The following ENG variants were observed in gnomAD, a reference collection of about 807,000 sequenced individuals.
ENG encodes the protein endoglin, also known as CD105 antigen.
A neutral mutation model predicts 71.0 loss-of-function variants in ENG; 17 were observed. The ratio of observed to expected loss-of-function variants is 0.24; its 90% CI spans 0.16 to 0.36. The LOEUF is 0.36. Ranked by LOEUF, ENG falls within the 10% of genes least tolerant of loss-of-function variation. ENG has a pLI of 1.00. For synonymous variants in ENG, 360 were observed against 366.9 expected (o/e 0.98, Z 0.21); for missense variants, 749 against 868.3 (o/e 0.86, Z 1.73).
rs560794600 is a variant in ENG, at chr9:127,824,201, G to A, written c.1134+103C>T. On this transcript the variant is annotated intron_variant, in intron 8 of 14. Transcript: ENST00000373203. ...GGAAAACTAAGGCTTGCAGAGGGACGTGACTTGCCCCCCTGCCTGGGCTAG... is the reference window on the plus strand; with the variant it reads ...GGAAAACTAAGGCTTGCAGAGGGACATGACTTGCCCCCCTGCCTGGGCTAG... 196 of 1,540,898 alleles carry A rather than the reference G, an allele frequency of 1.3e-4. No homozygotes were observed. In the African/African-American group the frequency reaches 2.3e-3, roughly 18 times the overall value.
chr9:127,817,677 G>A (rs1367649466), intron 12 of ENG: 1 of 350,600 alleles, frequency 2.9e-6, no homozygotes, highest in Non-Finnish European at 5.5e-6. Context: ...TGAGAGTGGG[G>A]GTCACCAGAT....
Position 127,838,275 on chromosome 9 carries a change from G to T in ENG, c.219+4819C>A, listed in dbSNP as rs987958170. Among the ~76,000 whole-genome samples the T allele has an allele frequency of 1.3e-5, 2 of 152,182 alleles. No individual in the cohort carries two copies. Among genetic ancestry groups the T allele is most frequent in the African/African-American group, 4.8e-5 (2 of 41,438 alleles). ...CCAGAGCATCATCTAGAAGGGAGGG[G>T]TGCAGGTTTCAGGGGGGTACATCCC... is the stretch of plus-strand genomic sequence containing the variant. On this transcript the variant is annotated intron_variant, in intron 2 of 14. Transcript: ENST00000373203. This position sits in a 1 kb window ranked among gnomAD's most constrained non-coding sequence, Gnocchi z 4.3.
At chr9:127,840,923 C>T (rs1214710845) in intron 2 of ENG, among the ~76,000 whole-genome samples, 1 of 152,186 alleles carries the variant, frequency 6.6e-6, no homozygotes, top group Non-Finnish European at 1.5e-5. Flanking sequence ...CCTGCCATGC[C>T]CCTAAAATCC....
chr9:127,835,130 C>G (rs1164926613), intron 2 of ENG, among the ~76,000 whole-genome samples: 10 of 152,106 alleles, frequency 6.6e-5, no homozygotes, highest in Non-Finnish European at 1.3e-4. Context: ...TCCCAAGTAG[C>G]TGGGACTACA....
At chr9:127,837,632 C>T (rs553100883) in intron 2 of ENG, among the ~76,000 whole-genome samples, 3 of 152,350 alleles carry the variant, frequency 2.0e-5, no homozygotes, top group African/African-American at 7.2e-5. Flanking sequence ...AACGACCAGA[C>T]ATAAACAGCA....
At position 127,826,742 on chromosome 9, in the gene ENG, C is replaced by T. The variant is rs575524999; in HGVS notation, c.361-70G>A. 4.6e-5 allele frequency: 73 copies of T among 1,586,810 alleles called. No individual in the cohort carries two copies. In the East Asian group the frequency reaches 1.6e-3, roughly 36 times the overall value. On this transcript the variant is annotated intron_variant, in intron 3 of 14. Transcript: ENST00000373203. ...GCCCTCTCTATCCCATGTAGGAGGT[C>T]AGGAAGTAATTTGTGGAGTCAGCCC...
At position 127,854,578 on chromosome 9, in the gene ENG, C is replaced by T. The variant is rs1031957479; in HGVS notation, c.-223G>A. ...CTGGAGTTGCTGTCCGAAGGATGGG[C>T]GGGGAGGGGGTGCTGGGCTCCAATG... On this transcript the variant is annotated 5_prime_UTR_variant, in exon 1 of 15. Coordinates refer to ENST00000373203, the MANE Select transcript of ENG (RefSeq NM_001114753.3). 3.2e-5 allele frequency: 18 copies of T among 564,648 alleles called. No individual in the cohort carries two copies. The Middle Eastern group carries it at 1.4e-3, about 44-fold the overall frequency. 35.0% of individuals were successfully genotyped at this position (564,648 alleles called of 1,614,324 possible). A position where few individuals can be genotyped will look rare whatever the true frequency, so the allele number is the denominator to read the frequency against.
intron 2 of ENG, among the ~76,000 whole-genome samples, chr9:127,842,328 G>T (rs1019328645): frequency 3.3e-5 from 5 of 151,666 alleles, no homozygotes; most frequent in African/African-American, 1.2e-4. Context: ...CTGGGTTCAA[G>T]CGATTCTCCT....
intron 1 of ENG, among the ~76,000 whole-genome samples, chr9:127,844,501 G>GCAGACT (rs1831124916): frequency 6.6e-6 from 1 of 151,150 alleles, no homozygotes; most frequent in Non-Finnish European, 1.5e-5. Context: ...ATAGCTCACT[G>GCAGACT]CAGCCTCAGC....
rs558142576 is a variant in ENG, at chr9:127,852,685, A to C, written c.67+1604T>G. Among the ~76,000 whole-genome samples, 3 of 152,210 alleles carry C rather than the reference A, an allele frequency of 2.0e-5. No individual in the cohort carries two copies. In the East Asian group the frequency reaches 5.8e-4, roughly 29 times the overall value. On this transcript the variant is annotated intron_variant, in intron 1 of 14. Coordinates refer to ENST00000373203, the MANE Select transcript of ENG (RefSeq NM_001114753.3). ...CTCTCGGTGTGATCTGCGCCTGCAG[A>C]GACTCTGGAGAACCAACCGCCAGGT...
chr9:127,820,828 CA>C (rs1162043418), intron 8 of ENG, among the ~76,000 whole-genome samples: 3,723 of 142,256 alleles, frequency 0.026, 135 homozygotes, highest in African/African-American at 0.083. Context: ...GACTCCGTCT[CA>C]AAAAAAAAAA....
rs1564455153 is a variant in ENG at position 127,824,294 on chromosome 9, GT to G, written c.1134+9del. On this transcript the variant is annotated intron_variant, in intron 8 of 14. Coordinates refer to ENST00000373203, the MANE Select transcript of ENG (RefSeq NM_001114753.3). ...GTCATCCTGAGCCAGAGGGGCAGGAGTTCCCTTACCGCAACAAGCTCTTTCT... is the reference window on the plus strand; with the variant it reads ...GTCATCCTGAGCCAGAGGGGCAGGAGTCCCTTACCGCAACAAGCTCTTTCT... The G allele has an allele frequency of 1.2e-6, 2 of 1,614,104 alleles. No homozygotes were observed. The highest frequency in any genetic ancestry group is 3.3e-5 in the Admixed American group (2 of 60,010).
At chr9:127,816,274 C>G (rs1830312640) in intron 13 of ENG, 3 of 632,938 alleles carry the variant, frequency 4.7e-6, no homozygotes, top group Non-Finnish European at 8.4e-6. Context: ...CCAGCCAGGC[C>G]TTTTGGGTCA....
Position 127,846,279 on chromosome 9 carries a change from C to T in ENG, c.68-3034G>A, listed in dbSNP as rs1831167007. On this transcript the variant is annotated intron_variant, in intron 1 of 14. Transcript: ENST00000373203. This position sits in a 1 kb window ranked among gnomAD's most constrained non-coding sequence, Gnocchi z 5.5. ...TCATCGGTGAGCGCAGGTTCCTTGG[C>T]TGTTACCTAGCTTAAGCCCCTCCTA... 6.6e-6 allele frequency among the ~76,000 whole-genome samples: 1 copy of T among 152,202 alleles called. No individual in the cohort carries two copies. The highest frequency in any genetic ancestry group is 1.5e-5 in the Non-Finnish European group (1 of 68,034).
rs751778614 is a variant in ENG, at chr9:127,825,770, C to T, written c.614G>A (p.Arg205Gln). The change falls in exon 5 of 15, where the codon CGG becomes CAG. Residue 205 changes from arginine (R) to glutamine (Q), a missense_variant. Arg to Gln is a conservative substitution (Grantham distance 43). Coordinates refer to ENST00000373203, the MANE Select transcript of ENG (RefSeq NM_001114753.3). ...GGCCACGCCTTCCAAGTGGCAGCCC[C>T]GGACCAAGGCTGGAGTACGCGGCCG... ...EWRPRTPALV[R>Q]GCHLEGVAGH... 2.1e-5 allele frequency: 34 copies of T among 1,598,218 alleles called. No individual in the cohort carries two copies. The highest frequency in any genetic ancestry group is 1.4e-4 in the South Asian group (12 of 88,792).
chr9:127,825,350 T>C lies in ENG; in HGVS notation c.697A>G (p.Thr233Ala). 2 of 1,607,262 alleles carry C rather than the reference T, an allele frequency of 1.2e-6. No homozygotes were observed. Among genetic ancestry groups the C allele is most frequent in the Non-Finnish European group, 1.7e-6 (2 of 1,179,048 alleles). The change falls in exon 6 of 15, where the codon ACG becomes GCG. Residue 233 changes from threonine to alanine, a missense_variant. Thr to Ala is a moderately conservative substitution (Grantham distance 58, BLOSUM62 0). Transcript: ENST00000373203. ...VLPGHSAGPR[T>A]VTVKVELSCA... ...CTCAGTTCCACCTTCACCGTCACCG[T>C]CCGGGGCCTGCGGGGAGACAGACGC...
chr9:127,826,600 G>C lies in ENG; in HGVS notation c.433C>G (p.Gln145Glu). ...CTCTCAGCTGCCCACTCAAGGATCTGGGTCTTGGGGAAGGATGGCAGCTCT... is the reference window on the plus strand; with the variant it reads ...CTCTCAGCTGCCCACTCAAGGATCTCGGTCTTGGGGAAGGATGGCAGCTCT... ...TTELPSFPKT[Q>E]ILEWAAERGP... Residue 145 changes from glutamine to glutamate, a missense_variant, in exon 4 of 15, where the codon CAG becomes GAG. Gln to Glu is a conservative substitution (Grantham distance 29, BLOSUM62 2). Coordinates refer to ENST00000373203, the MANE Select transcript of ENG (RefSeq NM_001114753.3). 6.2e-7 allele frequency: 1 copy of C among 1,614,112 alleles called. No individual in the cohort carries two copies. The highest frequency in any genetic ancestry group is 1.1e-5 in the South Asian group (1 of 91,084).
chr9:127,822,929 CTA>C, intron 8 of ENG, among the ~76,000 whole-genome samples: 1 of 152,236 alleles, frequency 6.6e-6, no homozygotes, highest in East Asian at 1.9e-4. Flanking sequence ...CAATCTCCCT[CTA>C]CCGGGTTCAA....
intron 1 of ENG, among the ~76,000 whole-genome samples, chr9:127,853,249 C>A (rs909697453): frequency 1.2e-4 from 19 of 152,070 alleles, no homozygotes; most frequent in African/African-American, 4.6e-4. Flanking sequence ...CTCTAAAATG[C>A]CATCAGGTGG....
Sources: allele counts gnomAD v4.1 joint callset (sites outside exome capture counted in the v4.1 genomes callset), GRCh38; gene constraint gnomAD v4.1.1; non-coding constraint Gnocchi (gnomAD v3.1); transcripts MANE v1.5; gene names NCBI Gene and HGNC (gene_info 2026-07-23, HGNC 2026-07-21).